The following PPP1R21 variants were observed in gnomAD, a reference collection of about 807,000 sequenced individuals.
PPP1R21 encodes the protein KLRAQ motif containing 1.
PPP1R21 carries 85 observed loss-of-function variants against 112.8 expected under a neutral mutation model. That is an observed-to-expected ratio of 0.75 (90% CI 0.63 to 0.90). The LOEUF is 0.90. Among genes scored for constraint, PPP1R21 ranks in the 40% least tolerant of loss-of-function variants. PPP1R21 has a pLI of 0.00. For missense variants in PPP1R21, 1,199 were observed against 901.5 expected, an observed-to-expected ratio of 1.33 and a Z score of -4.23; for synonymous variants, 381 against 322.3, an observed-to-expected ratio of 1.18 and a Z score of -1.95.
intron 9 of PPP1R21, 152 bp from the exon 10 acceptor site, chr2:48,470,935 G>A (rs746212772): frequency 1.0e-5 from 6 of 585,204 alleles, no homozygotes; most frequent in African/African-American, 7.4e-5. Flanking sequence ...TCCAATAAAA[G>A]TTTCCAAAAC....
rs375065474 is a variant in PPP1R21, at chr2:48,498,959, C to G, written c.1935+224C>G. On this transcript the variant is annotated intron_variant, in intron 17 of 21. Transcript: ENST00000294952. ...TTCACTGTCTGGTTAGGGTCTGTTTCCTGGTTCATAGACAGCAGCATTTTC... is the reference window on the plus strand; with the variant it reads ...TTCACTGTCTGGTTAGGGTCTGTTTGCTGGTTCATAGACAGCAGCATTTTC... Among the ~76,000 whole-genome samples the G allele has an allele frequency of 8.5e-5, 13 of 152,168 alleles. No homozygotes were observed. In the South Asian group the frequency reaches 1.0e-3, roughly 12 times the overall value.
chr2:48,492,521 T>G (rs1045873096), intron 15 of PPP1R21, among the ~76,000 whole-genome samples: 1 of 152,256 alleles, frequency 6.6e-6, no homozygotes, highest in Non-Finnish European at 1.5e-5. Flanking sequence ...AGGTTTCCCT[T>G]AATTGGTAGG....
At position 48,457,638 on chromosome 2, in the gene PPP1R21, T is replaced by TA. The variant is rs543806189; in HGVS notation, c.274-488_274-487insA. Among the ~76,000 whole-genome samples the TA allele has an allele frequency of 4.6e-5, 7 of 152,284 alleles. No individual in the cohort carries two copies. In the South Asian group the frequency reaches 1.2e-3, roughly 27 times the overall value. ...ATTTATAATAGCTTTATTTTATATA[T>TA]TTTTTAACTTAGAAATTTATATGAA... On this transcript the variant is annotated intron_variant, in intron 3 of 21. Coordinates refer to ENST00000294952, the MANE Select transcript of PPP1R21 (RefSeq NM_001135629.3).
In PPP1R21 at chr2:48,498,891, C is replaced by T. The variant is rs1342216728; in HGVS notation, c.1935+156C>T. Among the ~76,000 whole-genome samples the T allele has an allele frequency of 5.3e-5, 8 of 152,244 alleles. No individual in the cohort carries two copies. In the East Asian group the frequency reaches 1.5e-3, roughly 29 times the overall value. ...GTAAATCACAGAAATTTATTTCTCC[C>T]AGTTCTTGAGGCTGGGACGTTCAGG... is the stretch of plus-strand genomic sequence containing the variant. On this transcript the variant is annotated intron_variant, in intron 17 of 21. Coordinates refer to ENST00000294952, the MANE Select transcript of PPP1R21 (RefSeq NM_001135629.3).
At position 48,495,718 on chromosome 2, in the gene PPP1R21, A is replaced by T; in HGVS notation, c.1639A>T (p.Asn547Tyr). Residue 547 changes from asparagine to tyrosine, a missense_variant, in exon 16 of 22, where the codon AAC becomes TAC. By Grantham distance (143) the Asn-to-Tyr change is moderately radical. Coordinates refer to ENST00000294952, the MANE Select transcript of PPP1R21 (RefSeq NM_001135629.3). ...TGTGCCTTATGAAGAAGCACTGGCAAACCGCCGCATCCTTCTCAGCTCTAC... is the reference window on the plus strand; with the variant it reads ...TGTGCCTTATGAAGAAGCACTGGCATACCGCCGCATCCTTCTCAGCTCTAC... Reference protein sequence around the residue: ...ESVPYEEALANRRILLSSTES... With the variant: ...ESVPYEEALAYRRILLSSTES... 6.2e-7 allele frequency: 1 copy of T among 1,613,048 alleles called. No homozygotes were observed. Among genetic ancestry groups the T allele is most frequent in the African/African-American group, 1.3e-5 (1 of 75,038 alleles).
intron 21 of PPP1R21, 72 bp downstream of exon 21, chr2:48,511,540 T>G: frequency 6.4e-7 from 1 of 1,560,898 alleles, no homozygotes; most frequent in Non-Finnish European, 8.7e-7. Context: ...TGTTATGCAT[T>G]TCAGGAGGAA....
intron 15 of PPP1R21, among the ~76,000 whole-genome samples, chr2:48,492,669 A>C (rs1669624247): frequency 6.6e-6 from 1 of 152,212 alleles, no homozygotes; most frequent in Non-Finnish European, 1.5e-5. Flanking sequence ...TTAAGTTTTA[A>C]TAGTAGTTGC....
chr2:48,505,658 A>C, intron 18 of PPP1R21, 62 bp downstream of exon 18: 1 of 1,340,542 alleles, frequency 7.5e-7, no homozygotes, highest in Non-Finnish European at 1.0e-6. Context: ...TTTGTTGACA[A>C]AGTCCTGCAA....
intron 17 of PPP1R21, 97 bp downstream of exon 17, chr2:48,498,832 C>T (rs1434080049): frequency 1.6e-6 from 2 of 1,240,584 alleles, no homozygotes; most frequent in African/African-American, 1.5e-5. Context: ...TTCATTCAGG[C>T]TGCTATATCA....
intron 6 of PPP1R21, among the ~76,000 whole-genome samples, chr2:48,460,752 C>G (rs1667941944): frequency 6.6e-6 from 1 of 152,064 alleles, no homozygotes; most frequent in Admixed American, 6.5e-5. Flanking sequence ...AAGGCTAATA[C>G]AGTATGTACT....
At chr2:48,510,785 C>T (rs1265917789) in intron 20 of PPP1R21, among the ~76,000 whole-genome samples, 2 of 152,168 alleles carry the variant, frequency 1.3e-5, no homozygotes, top group East Asian at 3.8e-4. Context: ...GTAGGCCTCA[C>T]CTATGGCTCA....
chr2:48,468,875 G>A (rs1486884378), intron 9 of PPP1R21, among the ~76,000 whole-genome samples: 8 of 141,974 alleles, frequency 5.6e-5, no homozygotes, highest in African/African-American at 7.9e-5. Flanking sequence ...ATATGTATGT[G>A]TGTATATATA....
At chr2:48,495,516 T>C (rs1317785967) in intron 15 of PPP1R21, among the ~76,000 whole-genome samples, 163 bp from the exon 16 acceptor site, 2 of 152,216 alleles carry the variant, frequency 1.3e-5, no homozygotes, top group Non-Finnish European at 2.9e-5. Flanking sequence ...ATTTTTCTTT[T>C]AAAAAATTAT....
chr2:48,448,308 A>C (rs1667335657), intron 1 of PPP1R21, among the ~76,000 whole-genome samples: 1 of 152,244 alleles, frequency 6.6e-6, no homozygotes, highest in African/African-American at 2.4e-5. Flanking sequence ...CAGTTATATT[A>C]AATTCCTAAC....
chr2:48,509,274 C>T (rs1474817116), intron 19 of PPP1R21, among the ~76,000 whole-genome samples: 1 of 151,744 alleles, frequency 6.6e-6, no homozygotes, highest in Non-Finnish European at 1.5e-5. Flanking sequence ...AATGTGGTCT[C>T]TAATGAAGGA....
chr2:48,455,680 A>C (rs1197506789), intron 3 of PPP1R21, among the ~76,000 whole-genome samples: 2 of 152,114 alleles, frequency 1.3e-5, no homozygotes, highest in Non-Finnish European at 2.9e-5. Flanking sequence ...TCCAAGGTTG[A>C]GCAAATAAAA....
chr2:48,495,947 G>T, intron 16 of PPP1R21, 176 bp downstream of exon 16: 1 of 558,936 alleles, frequency 1.8e-6, no homozygotes, highest in Non-Finnish European at 3.2e-6. Flanking sequence ...AACATGTGTT[G>T]ACACTCTAAG....
chr2:48,463,742 T>C (rs1168583355), intron 7 of PPP1R21, among the ~76,000 whole-genome samples: 1 of 151,986 alleles, frequency 6.6e-6, no homozygotes, highest in South Asian at 2.1e-4. Flanking sequence ...AGTGATTATG[T>C]CCTAAGGTCC....
chr2:48,485,671 A>C (rs1669249278), intron 13 of PPP1R21, among the ~76,000 whole-genome samples: 1 of 151,670 alleles, frequency 6.6e-6, no homozygotes, highest in Non-Finnish European at 1.5e-5. Flanking sequence ...ATTTTGAGTT[A>C]AAACATCATG....
Sources: allele counts gnomAD v4.1 joint callset (sites outside exome capture counted in the v4.1 genomes callset), GRCh38; gene constraint gnomAD v4.1.1; transcripts MANE v1.5; gene names NCBI Gene and HGNC (gene_info 2026-07-23, HGNC 2026-07-21).